The following VPS41 variants were observed in gnomAD, a reference collection of about 807,000 sequenced individuals.
VPS41 encodes vacuolar protein sorting-associated protein 41 homolog.
VPS41 carries 85 observed loss-of-function variants against 130.9 expected under a neutral mutation model. That is an observed-to-expected ratio of 0.65 (90% CI 0.55 to 0.78). The LOEUF is 0.78. Ranked by LOEUF, VPS41 falls within the 30% of genes least tolerant of loss-of-function variation. The pLI is 0.00. For missense variants in VPS41, 874 were observed against 1,018.7 expected, an observed-to-expected ratio of 0.86 and a Z score of 1.93; for synonymous variants, 335 against 332.9, an observed-to-expected ratio of 1.01 and a Z score of -0.07.
intron 7 of VPS41, among the ~76,000 whole-genome samples, chr7:38,814,631 CAG>C: frequency 6.6e-6 from 1 of 152,166 alleles, no homozygotes; most frequent in African/African-American, 2.4e-5. Context: ...GCCTGGGCGA[CAG>C]AGCAAAACTC....
chr7:38,896,279 A>G (rs746336516), intron 2 of VPS41, among the ~76,000 whole-genome samples: 1 of 152,234 alleles, frequency 6.6e-6, no homozygotes, highest in African/African-American at 2.4e-5. Context: ...GATTTCCAAA[A>G]TAAGGTAACC....
At chr7:38,743,345 TA>T in intron 24 of VPS41, 56 bp downstream of exon 24, 13 of 1,601,014 alleles carry the variant, frequency 8.1e-6, no homozygotes, top group Non-Finnish European at 1.1e-5. Context: ...AATCTAGACA[TA>T]ACTGGTTACA....
At chr7:38,842,080 G>A (rs1042939294) in intron 4 of VPS41, among the ~76,000 whole-genome samples, 7 of 152,142 alleles carry the variant, frequency 4.6e-5, no homozygotes, top group African/African-American at 1.7e-4. Context: ...GCCTTCTTCT[G>A]TATTCTCAAT....
chr7:38,772,657 G>A lies in VPS41; in HGVS notation c.1013-20C>T, dbSNP rs756147218. On this transcript the variant is annotated intron_variant, in intron 12 of 28. Transcript: ENST00000310301. ...AGTATTCTGTAGGTGAGAAAAGAGA[G>A]GAACGACTTGGTGACTGAACAGCAG... 9 of 1,552,188 alleles carry A rather than the reference G, an allele frequency of 5.8e-6. No individual in the cohort carries two copies. The highest frequency in any genetic ancestry group is 8.0e-6 in the Non-Finnish European group (9 of 1,126,788).
At chr7:38,751,905 A>C (rs1413343259) in intron 22 of VPS41, among the ~76,000 whole-genome samples, 1 of 152,160 alleles carries the variant, frequency 6.6e-6, no homozygotes, top group Non-Finnish European at 1.5e-5. Context: ...TTTTTGCCTG[A>C]TGGTTGATTA....
intron 22 of VPS41, among the ~76,000 whole-genome samples, 200 bp downstream of exon 22, chr7:38,751,976 T>C (rs1465510778): frequency 6.6e-6 from 1 of 152,238 alleles, no homozygotes; most frequent in East Asian, 1.9e-4. Flanking sequence ...ATGCTTCAGC[T>C]CTTCACCAAA....
At chr7:38,876,326 GTCTT>G (rs1331616253) in intron 2 of VPS41, among the ~76,000 whole-genome samples, 3 of 152,152 alleles carry the variant, frequency 2.0e-5, no homozygotes, top group Non-Finnish European at 2.9e-5. Flanking sequence ...TTCTCACAAT[GTCTT>G]TCTAAGTGAA....
chr7:38,807,408 A>G (rs1784860854), intron 7 of VPS41, among the ~76,000 whole-genome samples: 1 of 152,058 alleles, frequency 6.6e-6, no homozygotes, highest in South Asian at 2.1e-4. Context: ...CAAACCATAC[A>G]GGTCGAGGGG....
intron 24 of VPS41, among the ~76,000 whole-genome samples, chr7:38,742,854 T>C (rs1389556725): frequency 3.9e-5 from 6 of 152,128 alleles, no homozygotes; most frequent in African/African-American, 1.4e-4. Flanking sequence ...TGCTTTTGTT[T>C]TTTCCTTTCC....
chr7:38,880,063 G>A (rs1167280197), intron 2 of VPS41, among the ~76,000 whole-genome samples: 1 of 152,140 alleles, frequency 6.6e-6, no homozygotes, highest in African/African-American at 2.4e-5. Context: ...TTGTGAAAAG[G>A]AAATGATAAC....
chr7:38,756,721 G>A (rs1260810584), intron 19 of VPS41, 117 bp downstream of exon 19: 7 of 748,974 alleles, frequency 9.3e-6, no homozygotes, highest in Middle Eastern at 4.0e-4. Context: ...AAAGATTGTC[G>A]GCATAAAGCC....
chr7:38,803,488 T>C (rs1784775409), intron 7 of VPS41, among the ~76,000 whole-genome samples: 1 of 152,078 alleles, frequency 6.6e-6, no homozygotes, highest in Admixed American at 6.5e-5. Flanking sequence ...AGAAAACAAA[T>C]ATTTCACAAA....
intron 2 of VPS41, among the ~76,000 whole-genome samples, chr7:38,881,719 G>A (rs1786612873): frequency 6.6e-6 from 1 of 152,094 alleles, no homozygotes; most frequent in Non-Finnish European, 1.5e-5. Context: ...CCTTGTTTCT[G>A]TTTGACAAAG....
intron 27 of VPS41, among the ~76,000 whole-genome samples, chr7:38,727,414 G>A (rs1795568764): frequency 6.6e-6 from 1 of 152,204 alleles, no homozygotes; most frequent in Non-Finnish European, 1.5e-5. Context: ...ACAAGCCCAG[G>A]CTGTGGTGAC....
At chr7:38,727,036 G>C in intron 27 of VPS41, 48 bp from the exon 28 acceptor site, 1 of 1,448,972 alleles carries the variant, frequency 6.9e-7, no homozygotes, top group Non-Finnish European at 9.2e-7. Context: ...CAACAAGCAA[G>C]ATCATTTTAA....
At chr7:38,799,908 T>C (rs886297333) in intron 7 of VPS41, among the ~76,000 whole-genome samples, 5 of 151,810 alleles carry the variant, frequency 3.3e-5, no homozygotes, top group Admixed American at 2.0e-4. Flanking sequence ...TGATCAGGCA[T>C]GGGTATGTGG....
chr7:38,765,523 T>C, intron 16 of VPS41, 57 bp downstream of exon 16: 1 of 1,155,390 alleles, frequency 8.7e-7, no homozygotes, highest in South Asian at 1.4e-5. Context: ...TTGTTTCCAC[T>C]GCAATATTAA....
chr7:38,874,785 G>A (rs1039287621), intron 2 of VPS41, among the ~76,000 whole-genome samples: 1 of 152,046 alleles, frequency 6.6e-6, no homozygotes, highest in African/African-American at 2.4e-5. Flanking sequence ...ATAAAATACA[G>A]GTTTTCTTCC....
chr7:38,861,661 A>G (rs1039485466), intron 4 of VPS41, among the ~76,000 whole-genome samples: 8 of 152,204 alleles, frequency 5.3e-5, no homozygotes, highest in Non-Finnish European at 1.0e-4. Flanking sequence ...CTATATCAAT[A>G]GATGGATATT....
Sources: allele counts gnomAD v4.1 joint callset (sites outside exome capture counted in the v4.1 genomes callset), GRCh38; gene constraint gnomAD v4.1.1; transcripts MANE v1.5; gene names NCBI Gene and HGNC (gene_info 2026-07-23, HGNC 2026-07-21).